SORL1: variants seen among roughly 807,000 people sequenced by gnomAD.
The protein encoded by SORL1 is sortilin-related receptor.
In SORL1, 127 loss-of-function variants were observed where a neutral mutation model predicts 273.7. The ratio of observed to expected loss-of-function variants is 0.46; its 90% CI spans 0.40 to 0.54. The LOEUF is 0.54. Among genes scored for constraint, SORL1 ranks in the 20% least tolerant of loss-of-function variants. The pLI, the probability that SORL1 is intolerant of heterozygous loss-of-function variation, is 0.00. For synonymous variants in SORL1, 1,031 were observed against 1,067.4 expected (o/e 0.97, Z 0.66); for missense variants, 2,494 against 2,846.1 (o/e 0.88, Z 2.81).
chr11:121,582,314 A>G (rs1863025155), intron 25 of SORL1, among the ~76,000 whole-genome samples: 1 of 152,246 alleles, frequency 6.6e-6, no homozygotes. Flanking sequence ...AGAAAACTAT[A>G]GTTTGCTCTC....
chr11:121,543,724 TG>T lies in SORL1; in HGVS notation c.1864+1del. 6.2e-7 allele frequency: 1 copy of T among 1,611,508 alleles called. No individual in the cohort carries two copies. Among genetic ancestry groups the T allele is most frequent in the Non-Finnish European group, 8.5e-7 (1 of 1,178,992 alleles). The stretch of plus-strand genomic sequence containing the variant: ...CTCCAGGTCAATGCCACGGATGCCT[TG>T]GGTAAGCTGCTGCCTCCTTGGACCT... Reference protein sequence around the residue: ...LILQVNATDALGVPCTENDYK... With the variant: ...LILQVNATDAXGVPCTENDYK... On this transcript the variant is annotated frameshift_variant and splice_region_variant, in exon 13 of 48. Transcript: ENST00000260197. LOFTEE classifies it high-confidence loss of function.
intron 5 of SORL1, among the ~76,000 whole-genome samples, chr11:121,496,376 A>G (rs372113478): frequency 6.6e-6 from 1 of 152,186 alleles, no homozygotes; most frequent in African/African-American, 2.4e-5. Flanking sequence ...TAGATCCATG[A>G]CATTGGTAGG....
At chr11:121,536,297 G>A (rs1182827839) in intron 12 of SORL1, among the ~76,000 whole-genome samples, 1 of 152,130 alleles carries the variant, frequency 6.6e-6, no homozygotes, top group Admixed American at 6.5e-5. Context: ...GGAGGCAGTG[G>A]TTAATGTCTT....
At chr11:121,621,518 G>C (rs545212639) in intron 44 of SORL1, among the ~76,000 whole-genome samples, 34 of 152,258 alleles carry the variant, frequency 2.2e-4, no homozygotes, top group African/African-American at 7.7e-4. Flanking sequence ...AAGGAAAAGA[G>C]GAGGGATGCC....
At chr11:121,618,686 A>G (rs1591356138) in intron 41 of SORL1, 88 bp from the exon 42 acceptor site, 2 of 1,490,346 alleles carry the variant, frequency 1.3e-6, no homozygotes, top group East Asian at 2.3e-5. Flanking sequence ...CTTTTGAAGC[A>G]GTTCCAGGGT....
At chr11:121,503,798 G>A (rs538706478) in intron 6 of SORL1, among the ~76,000 whole-genome samples, 1 of 152,244 alleles carries the variant, frequency 6.6e-6, no homozygotes, top group South Asian at 2.1e-4. Context: ...TCTCTAATAA[G>A]TTTTGAATTT....
intron 23 of SORL1, among the ~76,000 whole-genome samples, 200 bp from the exon 24 acceptor site, chr11:121,574,041 A>C (rs1423430035): frequency 6.6e-6 from 1 of 152,180 alleles, no homozygotes; most frequent in Non-Finnish European, 1.5e-5. Context: ...TGTCCACAGA[A>C]AGATATGCCC....
At chr11:121,555,763 T>C (rs1462994422) in intron 18 of SORL1, among the ~76,000 whole-genome samples, 1 of 151,954 alleles carries the variant, frequency 6.6e-6, no homozygotes, top group Non-Finnish European at 1.5e-5. Flanking sequence ...TCATCATCAT[T>C]GCCACTGTTA....
At chr11:121,456,541 G>C (rs754855611) in intron 1 of SORL1, among the ~76,000 whole-genome samples, 1 of 152,236 alleles carries the variant, frequency 6.6e-6, no homozygotes, top group African/African-American at 2.4e-5. Flanking sequence ...GAGGATGCAA[G>C]CGGCATGGCC....
intron 45 of SORL1, among the ~76,000 whole-genome samples, chr11:121,623,942 G>A (rs775147900): frequency 6.6e-6 from 1 of 152,234 alleles, no homozygotes; most frequent in Admixed American, 6.5e-5. Context: ...CCACATGGCT[G>A]CGGAGGCCTC....
At chr11:121,497,157 G>A (rs1364480131) in intron 6 of SORL1, 108 bp downstream of exon 6, 5 of 898,490 alleles carry the variant, frequency 5.6e-6, no homozygotes, top group Non-Finnish European at 8.6e-6. Context: ...GGAAGGATGT[G>A]CTTGGGACAG....
At chr11:121,618,716 G>A in intron 41 of SORL1, 58 bp from the exon 42 acceptor site, 1 of 1,606,832 alleles carries the variant, frequency 6.2e-7, no homozygotes, top group African/African-American at 1.3e-5. Context: ...GGGATTTCAA[G>A]GAAATGAGAT....
chr11:121,568,750 G>A (rs1369339954), intron 22 of SORL1, among the ~76,000 whole-genome samples: 1 of 152,190 alleles, frequency 6.6e-6, no homozygotes, highest in Non-Finnish European at 1.5e-5. Flanking sequence ...TTGATGTACT[G>A]TATTCACTAC....
At chr11:121,481,098 C>T (rs1861375510) in intron 3 of SORL1, among the ~76,000 whole-genome samples, 1 of 125,542 alleles carries the variant, frequency 8.0e-6, no homozygotes, top group Non-Finnish European at 1.7e-5. Flanking sequence ...CTCCCCAGCT[C>T]CTCCCCTAGT....
intron 1 of SORL1, among the ~76,000 whole-genome samples, chr11:121,463,978 G>A (rs527669068): frequency 2.6e-5 from 4 of 152,320 alleles, no homozygotes; most frequent in South Asian, 2.1e-4. Flanking sequence ...CCTCAGTTTC[G>A]TCATATAGTT....
At chr11:121,572,849 C>A (rs1255653512) in intron 23 of SORL1, among the ~76,000 whole-genome samples, 1 of 152,146 alleles carries the variant, frequency 6.6e-6, no homozygotes, top group Non-Finnish European at 1.5e-5. Flanking sequence ...CATCCCCTGC[C>A]TCCCACCACG....
chr11:121,629,464 A>G (rs757153000), intron 47 of SORL1, 32 bp from the exon 48 acceptor site: 2 of 1,181,252 alleles, frequency 1.7e-6, no homozygotes, highest in South Asian at 2.4e-5. Context: ...AATGTGTTGG[A>G]ACTCACCAAG....
chr11:121,568,977 C>T (rs527903486), intron 22 of SORL1, among the ~76,000 whole-genome samples: 15 of 152,320 alleles, frequency 9.8e-5, no homozygotes, highest in East Asian at 9.6e-4. Flanking sequence ...GGACCCCGAA[C>T]GGAGGGACCA....
intron 6 of SORL1, among the ~76,000 whole-genome samples, chr11:121,508,913 A>C (rs1435256994): frequency 1.3e-5 from 2 of 152,194 alleles, no homozygotes; most frequent in African/African-American, 4.8e-5. Context: ...TCCAATTAAT[A>C]TTAACTTTGT....
Sources: gnomAD v4.1 joint callset for allele counts (sites outside exome capture counted in the v4.1 genomes callset) on GRCh38, gnomAD v4.1.1 for gene constraint, MANE v1.5 for transcripts, NCBI Gene and HGNC (gene_info 2026-07-23, HGNC 2026-07-21) for gene names.